Variants in MYH11 observed in about 807,000 individuals in gnomAD.
MYH11 encodes the protein myosin heavy chain 11.
A neutral mutation model predicts 246.6 loss-of-function variants in MYH11; 80 were observed. The observed-to-expected ratio is 0.32, with a 90% confidence interval of 0.27 to 0.39. The LOEUF (loss-of-function observed/expected upper bound fraction) is 0.39, where lower values mean the gene tolerates loss of function less well. Among genes scored for constraint, MYH11 ranks in the 10% least tolerant of loss-of-function variants. The probability of loss-of-function intolerance (pLI) is 1.00; values close to 1 mark genes in which losing one functional copy is unlikely to be tolerated. For missense variants in MYH11, 2,158 were observed against 2,546.8 expected (o/e 0.85, Z 3.29); for synonymous variants, 1,071 against 1,015.5 (o/e 1.05, Z -1.04).
At chr16:15,763,636 G>A (rs2041915982) in intron 10 of MYH11, among the ~76,000 whole-genome samples, 160 bp downstream of exon 10, 1 of 151,912 alleles carries the variant, frequency 6.6e-6, no homozygotes, top group African/African-American at 2.4e-5. Flanking sequence ...ATAGGGTCTT[G>A]AGCACTGAAA....
chr16:15,833,385 G>GAGGGAGGA (rs2043800240), intron 2 of MYH11, among the ~76,000 whole-genome samples: 1 of 110,508 alleles, frequency 9.0e-6, no homozygotes, highest in African/African-American at 3.1e-5. Context: ...GGGAGGGAGG[G>GAGGGAGGA]AGGAAGGAAG....
chr16:15,754,432 G>A (rs76716230), intron 14 of MYH11, among the ~76,000 whole-genome samples: 3 of 152,026 alleles, frequency 2.0e-5, no homozygotes, highest in South Asian at 2.1e-4. Context: ...AGCTTTGCTG[G>A]GTTATCATGG....
At chr16:15,777,182 T>C (rs2042242360) in intron 7 of MYH11, among the ~76,000 whole-genome samples, 1 of 152,140 alleles carries the variant, frequency 6.6e-6, no homozygotes, top group Non-Finnish European at 1.5e-5. Flanking sequence ...GAGGGCAGTG[T>C]GTGATCTTGG....
intron 3 of MYH11, among the ~76,000 whole-genome samples, chr16:15,798,949 A>G (rs2042818153): frequency 6.6e-6 from 1 of 152,202 alleles, no homozygotes; most frequent in African/African-American, 2.4e-5. Context: ...ATCCAGCCAC[A>G]TCAGCTCTGG....
Position 15,714,896 on chromosome 16 carries a change from ACGGGC to A in MYH11, c.5786+8_5786+12del. On this transcript the variant is annotated splice_region_variant and intron_variant, in intron 40 of 40. Transcript: ENST00000300036. ...CTGAGAGACGGGGTCCTCCCGGGCC[ACGGGC>A]TCCTCACCTGAGCTTGCTCTTGAGT... 18 of 1,613,100 alleles carry A rather than the reference ACGGGC, an allele frequency of 1.1e-5. No homozygotes were observed. The highest frequency in any genetic ancestry group is 1.5e-5 in the Non-Finnish European group (18 of 1,179,958).
rs118072250 is a variant in MYH11, at chr16:15,721,403, A to G, written c.4578+19T>C. The stretch of plus-strand genomic sequence containing the variant: ...GGCAGGCGAAACATGGACGAGAAAA[A>G]CCACCCAGAGCCACTTACGTTCTTG... On this transcript the variant is annotated intron_variant, in intron 32 of 40. Coordinates refer to ENST00000300036, the MANE Select transcript of MYH11 (RefSeq NM_002474.3). The G allele has an allele frequency of 8.5e-4, 1,370 of 1,613,684 alleles. 16 individuals are homozygous for G. The East Asian group carries it at 0.025, about 30-fold the overall frequency.
chr16:15,726,803 G>T, intron 28 of MYH11, 45 bp downstream of exon 28: 2 of 1,605,740 alleles, frequency 1.2e-6, no homozygotes, highest in South Asian at 1.1e-5. Context: ...ACAGAACTGG[G>T]CACCACCCAG....
chr16:15,711,145 T>C lies in MYH11; in HGVS notation c.5786+3764A>G, dbSNP rs530345504. 9 of 152,406 alleles carry C rather than the reference T, an allele frequency of 5.9e-5. No individual in the cohort carries two copies. The East Asian group carries it at 1.7e-3, about 29-fold the overall frequency. 9.4% of individuals were successfully genotyped at this position (152,406 alleles called of 1,614,324 possible). On this transcript the variant is annotated intron_variant, in intron 40 of 40. Transcript: ENST00000300036. The stretch of plus-strand genomic sequence containing the variant: ...CGAGTGGGGCTTTTCCCTGAAGGCT[T>C]GGTGCCCTGCGCCAGCTGCTCTCTT...
chr16:15,742,756 A>G (rs1355689671), intron 20 of MYH11, among the ~76,000 whole-genome samples: 2 of 152,082 alleles, frequency 1.3e-5, no homozygotes, highest in Admixed American at 6.6e-5. Context: ...TTTAAAAATT[A>G]TAAGATATGT....
chr16:15,718,462 G>A (rs375779637), intron 36 of MYH11, 24 bp from the exon 37 acceptor site: 12 of 1,542,956 alleles, frequency 7.8e-6, no homozygotes, highest in Non-Finnish European at 9.6e-6. Context: ...GGCCATGGTG[G>A]GGGCCTCTAC....
intron 3 of MYH11, among the ~76,000 whole-genome samples, chr16:15,810,621 C>G (rs1596879857): frequency 6.6e-6 from 1 of 152,116 alleles, no homozygotes; most frequent in Non-Finnish European, 1.5e-5. Flanking sequence ...TGTACCCCTT[C>G]CTGGAGATGT....
chr16:15,706,361 G>A (rs886541714), intron 40 of MYH11, among the ~76,000 whole-genome samples: 1 of 152,106 alleles, frequency 6.6e-6, no homozygotes, highest in Non-Finnish European at 1.5e-5. Context: ...ACTGTTCCCT[G>A]TACGCTCCCC....
intron 35 of MYH11, 65 bp downstream of exon 35, chr16:15,719,520 G>C (rs1439727627): frequency 1.2e-6 from 2 of 1,609,854 alleles, no homozygotes; most frequent in Non-Finnish European, 1.7e-6. Flanking sequence ...GCACAGACTG[G>C]AGCTGCCAAG....
intron 4 of MYH11, among the ~76,000 whole-genome samples, chr16:15,790,388 C>T (rs1433929528): frequency 1.3e-5 from 2 of 151,994 alleles, no homozygotes; most frequent in African/African-American, 4.8e-5. Flanking sequence ...GCTATGGTCT[C>T]CCACTTTGCC....
chr16:15,745,225 C>G lies in MYH11; in HGVS notation c.2424G>C (p.Lys808Asn). ...TCATGGCGGTCAGCTGCTGCTGCCT[C>G]TTGGCAAAAGCCCTAGGGAGGGGGG... ...RGYLARKAFAKRQQQLTAMKV... is the reference protein window; with the variant it reads ...RGYLARKAFANRQQQLTAMKV... The change falls in exon 20 of 41, where the codon AAG (lysine) becomes AAC (asparagine). Residue 808 changes from lysine (K) to asparagine (N), a missense_variant. Physicochemically the swap from Lys to Asn is moderately conservative, Grantham distance 94. Around this residue, in one of 11 missense-constraint regions of MYH11, gnomAD observed 90 missense variants for 144.2 expected, o/e 0.62. Coordinates refer to ENST00000300036, the MANE Select transcript of MYH11 (RefSeq NM_002474.3). The G allele has an allele frequency of 6.2e-7, 1 of 1,613,926 alleles. No homozygotes were observed.
intron 9 of MYH11, among the ~76,000 whole-genome samples, chr16:15,764,601 T>A (rs2041941205): frequency 6.6e-6 from 1 of 152,104 alleles, no homozygotes; most frequent in South Asian, 2.1e-4. Context: ...GAGGCAAAAC[T>A]AATCGATGCT....
At chr16:15,704,795 GGT>G (rs1004117504) in intron 40 of MYH11, among the ~76,000 whole-genome samples, 1 of 152,194 alleles carries the variant, frequency 6.6e-6, no homozygotes, top group African/African-American at 2.4e-5. Context: ...GCGTAAAACA[GGT>G]GCCCAGTGAA....
intron 2 of MYH11, among the ~76,000 whole-genome samples, chr16:15,833,563 A>G (rs1441931985): frequency 6.6e-6 from 1 of 152,246 alleles, no homozygotes; most frequent in Admixed American, 6.5e-5. Flanking sequence ...ACTGCTGGAC[A>G]TTGCTGAGCC....
intron 32 of MYH11, 78 bp downstream of exon 32, chr16:15,721,344 G>C (rs2040469300): frequency 6.7e-7 from 1 of 1,485,338 alleles, no homozygotes; most frequent in African/African-American, 1.4e-5. Flanking sequence ...CCAGGAGCTA[G>C]CCTCGCATGG....
Sources: gnomAD v4.1 joint callset for allele counts (sites outside exome capture counted in the v4.1 genomes callset) on GRCh38, gnomAD v4.1.1 for gene constraint, gnomAD v4.1.1 regional missense constraint, MANE v1.5 for transcripts, NCBI Gene and HGNC (gene_info 2026-07-23, HGNC 2026-07-21) for gene names.